Variants in MORN5 observed in about 807,000 individuals in gnomAD.
MORN5 encodes MORN repeat containing 5, also known as MORN repeat-containing protein 5.
Under a neutral mutation model 22.1 loss-of-function variants are expected in MORN5, and 21 were observed. The observed-to-expected ratio is 0.95, with a 90% CI of 0.67 to 1.37. The LOEUF (loss-of-function observed/expected upper bound fraction) is 1.37. Among genes scored for constraint, MORN5 ranks in the 40% most tolerant of loss-of-function variants. The probability of loss-of-function intolerance (pLI) is 0.00; values close to 1 mark genes in which losing one functional copy is unlikely to be tolerated. For missense variants in MORN5, 211 were observed against 215.1 expected (o/e 0.98, Z 0.12); for synonymous variants, 73 against 74.0 (o/e 0.99, Z 0.07).
chr9:122,169,908 C>G (rs531098426), intron 3 of MORN5, 152 bp downstream of exon 3: 75 of 635,626 alleles, frequency 1.2e-4, no homozygotes, highest in Non-Finnish European at 1.5e-4. Context: ...GTCCTGGAGC[C>G]AGGAAGGCCA....
At chr9:122,160,071 A>C in intron 1 of MORN5, 52 bp downstream of exon 1, 1 of 1,536,584 alleles carries the variant, frequency 6.5e-7, no homozygotes, top group Non-Finnish European at 8.9e-7. Flanking sequence ...TGTGACTGGA[A>C]AAAGACGGCT....
intron 1 of MORN5, among the ~76,000 whole-genome samples, chr9:122,164,868 T>C (rs1320697785): frequency 6.6e-6 from 1 of 152,234 alleles, no homozygotes; most frequent in Non-Finnish European, 1.5e-5. Flanking sequence ...AACCATCGTC[T>C]CACTCAGTTA....
At chr9:122,191,540 G>A (rs890200938) in intron 4 of MORN5, among the ~76,000 whole-genome samples, 1 of 152,204 alleles carries the variant, frequency 6.6e-6, no homozygotes, top group Non-Finnish European at 1.5e-5. Flanking sequence ...TAAGTGCCCG[G>A]CCATTGTGAG....
At chr9:122,185,549 A>T (rs769240598) in intron 4 of MORN5, among the ~76,000 whole-genome samples, 28 of 129,002 alleles carry the variant, frequency 2.2e-4, no homozygotes, top group African/African-American at 1.3e-4. Flanking sequence ...TTTAGTAGAG[A>T]TGGGGTTTCA....
At chr9:122,193,732 C>T (rs1262340190) in intron 4 of MORN5, among the ~76,000 whole-genome samples, 1 of 152,356 alleles carries the variant, frequency 6.6e-6, no homozygotes, top group East Asian at 1.9e-4. Flanking sequence ...CTGAGAGGCC[C>T]TGAACCCAAA....
intron 1 of MORN5, among the ~76,000 whole-genome samples, chr9:122,161,090 G>C (rs1829191008): frequency 6.6e-6 from 1 of 152,252 alleles, no homozygotes; most frequent in Non-Finnish European, 1.5e-5. Flanking sequence ...CCTGGATGAA[G>C]AAAGTGGAAT....
intron 2 of MORN5, 21 bp from the exon 3 acceptor site, chr9:122,169,622 CGT>C: frequency 6.4e-7 from 1 of 1,551,644 alleles, no homozygotes; most frequent in South Asian, 1.1e-5. Context: ...CTCAGATGCA[CGT>C]GTGTGCTCCT....
In MORN5 at chr9:122,197,995, A is replaced by T. The variant is rs1373703038; in HGVS notation, c.440-1890A>T. 6.6e-6 allele frequency among the ~76,000 whole-genome samples: 1 copy of T among 152,132 alleles called. No homozygotes were observed. Among genetic ancestry groups the T allele is most frequent in the East Asian group, 1.9e-4 (1 of 5,182 alleles). On this transcript the variant is annotated intron_variant, in intron 4 of 4. Transcript: ENST00000373764. The surrounding 1 kb of genome is among the most constrained non-coding windows in gnomAD (Gnocchi z 5.7). ...CGTTTTCCTTAGGTCTCATGTAAAG[A>T]AATGGTGGGCAGGTGGTTAGTGATG...
At chr9:122,193,011 A>AGG (rs145892761) in intron 4 of MORN5, among the ~76,000 whole-genome samples, 14,913 of 152,216 alleles carry the variant, frequency 0.098, 774 homozygotes, top group African/African-American at 0.13. Flanking sequence ...TAAATGGTAC[A>AGG]GGCTGGAGGG....
intron 4 of MORN5, among the ~76,000 whole-genome samples, chr9:122,193,976 G>A (rs1289731364): frequency 6.6e-6 from 1 of 152,244 alleles, no homozygotes; most frequent in East Asian, 1.9e-4. Flanking sequence ...TTTTCACTGG[G>A]GTAGCCCATG....
In MORN5 at chr9:122,182,441, T is replaced by A. The variant is rs560355643; in HGVS notation, c.439+7814T>A. On this transcript the variant is annotated intron_variant, in intron 4 of 4. Transcript: ENST00000373764. The stretch of plus-strand genomic sequence containing the variant: ...ATTGTGGAGGATCCTTGCTAGGCTC[T>A]GTGCCAAGCACTTTAACAGCTTACC... 9.8e-5 allele frequency among the ~76,000 whole-genome samples: 15 copies of A among 152,366 alleles called. No individual in the cohort carries two copies. The South Asian group carries it at 3.1e-3, about 32-fold the overall frequency.
At chr9:122,167,287 C>T (rs1175956254) in intron 2 of MORN5, among the ~76,000 whole-genome samples, 1 of 151,498 alleles carries the variant, frequency 6.6e-6, no homozygotes, top group African/African-American at 2.4e-5. Context: ...ACCTTGTGAT[C>T]CACCCGCCTT....
intron 1 of MORN5, among the ~76,000 whole-genome samples, chr9:122,160,482 C>T (rs754269168): frequency 3.9e-5 from 6 of 152,148 alleles, no homozygotes; most frequent in Non-Finnish European, 7.4e-5. Flanking sequence ...GGATTATATA[C>T]ACAAATCACT....
At chr9:122,178,003 A>C (rs553691532) in intron 4 of MORN5, among the ~76,000 whole-genome samples, 1 of 152,348 alleles carries the variant, frequency 6.6e-6, no homozygotes, top group Non-Finnish European at 1.5e-5. Flanking sequence ...AGCTCCTGCC[A>C]ATAATCCTTC....
intron 4 of MORN5, among the ~76,000 whole-genome samples, chr9:122,188,573 A>T (rs570247191): frequency 2.0e-4 from 31 of 152,246 alleles, no homozygotes; most frequent in Non-Finnish European, 4.3e-4. Context: ...GGCCAAAAGA[A>T]GCAGAGGGTC....
At chr9:122,174,269 G>C (rs1011899019) in intron 3 of MORN5, among the ~76,000 whole-genome samples, 1 of 152,190 alleles carries the variant, frequency 6.6e-6, no homozygotes, top group South Asian at 2.1e-4. Context: ...GGAAGAAGAA[G>C]ACAGAGGGTC....
At chr9:122,190,027 T>G (rs577354674) in intron 4 of MORN5, among the ~76,000 whole-genome samples, 1 of 151,956 alleles carries the variant, frequency 6.6e-6, no homozygotes, top group South Asian at 2.1e-4. Flanking sequence ...ACTTTTCCCC[T>G]CACCCATCAA....
At chr9:122,164,571 G>C in intron 1 of MORN5, 1 of 985,554 alleles carries the variant, frequency 1.0e-6, no homozygotes, top group Non-Finnish European at 1.2e-6. Flanking sequence ...TGCTGCTTAG[G>C]GGAGGAGGAG....
chr9:122,164,762 GAGGAAT>G, intron 1 of MORN5: 1 of 187,240 alleles, frequency 5.3e-6, no homozygotes, highest in Non-Finnish European at 9.9e-6. Flanking sequence ...GGAAGGAGAA[GAGGAAT>G]TCTCCCTTCC....
Sources: allele counts gnomAD v4.1 joint callset (sites outside exome capture counted in the v4.1 genomes callset), GRCh38; gene constraint gnomAD v4.1.1; non-coding constraint Gnocchi (gnomAD v3.1); transcripts MANE v1.5; gene names NCBI Gene and HGNC (gene_info 2026-07-23, HGNC 2026-07-21).